TDP1: variants seen among roughly 807,000 people sequenced by gnomAD.
TDP1 encodes the protein tyr-DNA phosphodiesterase 1.
TDP1 carries 64 observed loss-of-function variants against 81.5 expected under a neutral mutation model. The ratio of observed to expected loss-of-function variants is 0.79; its 90% CI spans 0.64 to 0.97. TDP1 has a LOEUF of 0.97. TDP1 is among the 50% of genes least tolerant of loss of function. TDP1 has a pLI of 0.00. For synonymous variants in TDP1, 256 were observed against 264.3 expected (o/e 0.97, Z 0.30); for missense variants, 723 against 743.8 (o/e 0.97, Z 0.33).
intron 14 of TDP1, 91 bp from the exon 15 acceptor site, chr14:90,019,225 T>A: frequency 7.7e-7 from 1 of 1,305,622 alleles, no homozygotes; most frequent in Non-Finnish European, 1.1e-6. Flanking sequence ...AGCTATATAT[T>A]TTTTTGACCG....
At position 89,963,561 on chromosome 14, in the gene TDP1, G is replaced by A; in HGVS notation, c.447G>A (p.Gly149=). The change falls in exon 3 of 17, where the codon GGG becomes GGA. Residue 149 remains glycine (G), a synonymous_variant. Transcript: ENST00000335725. The stretch of plus-strand genomic sequence containing the variant: ...AGGAAGACGAGTATGAGACATCAGG[G>A]GAGGGCCAGGACATTTGGGACATGC... ...KEEEDEYETS[G]EGQDIWDMLD... The A allele has an allele frequency of 6.2e-7, 1 of 1,612,774 alleles. No homozygotes were observed. Among genetic ancestry groups the A allele is most frequent in the Non-Finnish European group, 8.5e-7 (1 of 1,179,270 alleles).
chr14:90,038,873 G>C (rs772553269), intron 16 of TDP1, among the ~76,000 whole-genome samples: 1 of 151,382 alleles, frequency 6.6e-6, no homozygotes, highest in Non-Finnish European at 1.5e-5. Flanking sequence ...TATTTTTAAG[G>C]ACCTGTTTTT....
chr14:90,016,030 A>G (rs1885267061), intron 14 of TDP1, among the ~76,000 whole-genome samples: 1 of 150,262 alleles, frequency 6.7e-6, no homozygotes, highest in African/African-American at 2.4e-5. Context: ...AATGTGAGAC[A>G]GCAGCCTTTT....
At chr14:89,992,367 G>C (rs1896290054) in intron 13 of TDP1, among the ~76,000 whole-genome samples, 1 of 152,188 alleles carries the variant, frequency 6.6e-6, no homozygotes. Context: ...CAGATTCTTT[G>C]CTGCCGTTTC....
chr14:89,983,934 C>G (rs1895279224), intron 8 of TDP1, among the ~76,000 whole-genome samples: 1 of 152,148 alleles, frequency 6.6e-6, no homozygotes, highest in Non-Finnish European at 1.5e-5. Flanking sequence ...ATACTTAATC[C>G]AGGCACCAGA....
At chr14:89,978,455 C>T (rs1399092629) in intron 7 of TDP1, among the ~76,000 whole-genome samples, 1 of 152,236 alleles carries the variant, frequency 6.6e-6, no homozygotes, top group African/African-American at 2.4e-5. Context: ...TCTCTTCCCC[C>T]TTTGCAGGAA....
rs115825068 is a variant in TDP1, at chr14:89,994,128, C to G, written c.1541+645C>G. 2.4e-3 allele frequency among the ~76,000 whole-genome samples: 367 copies of G among 152,274 alleles called. 1 individual carries two copies. The highest frequency in any genetic ancestry group is 8.1e-3 in the African/African-American group (337 of 41,534). ...TTCCTGACTCCCAGGCTGAACCCAA[C>G]GATTAGGCATCTCTTTATGATTCAG... On this transcript the variant is annotated intron_variant, in intron 14 of 16. Coordinates refer to ENST00000335725, the MANE Select transcript of TDP1 (RefSeq NM_018319.4).
chr14:90,010,847 T>C (rs1160127021), intron 14 of TDP1, among the ~76,000 whole-genome samples: 1 of 152,158 alleles, frequency 6.6e-6, no homozygotes, highest in Non-Finnish European at 1.5e-5. Context: ...GCACTGCATA[T>C]CAAGAGAAAA....
chr14:90,016,640 C>T lies in TDP1; in HGVS notation c.1542-2676C>T, dbSNP rs531465717. On this transcript the variant is annotated intron_variant, in intron 14 of 16. Coordinates refer to ENST00000335725, the MANE Select transcript of TDP1 (RefSeq NM_018319.4). Reference sequence around the variant, plus strand: ...TTCTGCCTGCTCTGTAGACTTCTAGCTCCAGCATCAGGACAAAGATAACAC... The same window carrying T: ...TTCTGCCTGCTCTGTAGACTTCTAGTTCCAGCATCAGGACAAAGATAACAC... 3.0e-4 allele frequency among the ~76,000 whole-genome samples: 45 copies of T among 152,334 alleles called. 1 individual carries two copies. In the South Asian group the frequency reaches 9.3e-3, roughly 32 times the overall value.
At chr14:89,995,783 T>C (rs1896607733) in intron 14 of TDP1, among the ~76,000 whole-genome samples, 1 of 152,242 alleles carries the variant, frequency 6.6e-6, no homozygotes, top group South Asian at 2.1e-4. Context: ...TTGTGGCACC[T>C]GTCTCTTATT....
chr14:90,034,466 C>T (rs1488026699), intron 16 of TDP1, among the ~76,000 whole-genome samples: 4 of 152,198 alleles, frequency 2.6e-5, no homozygotes, highest in African/African-American at 7.2e-5. Flanking sequence ...TTCAGTTGTG[C>T]TCAGAGGAAG....
At chr14:90,019,617 T>C (rs985143273) in intron 15 of TDP1, among the ~76,000 whole-genome samples, 199 bp downstream of exon 15, 2 of 152,182 alleles carry the variant, frequency 1.3e-5, no homozygotes, top group African/African-American at 2.4e-5. Context: ...GTGGGATACC[T>C]GCTTTCAAGG....
intron 15 of TDP1, among the ~76,000 whole-genome samples, chr14:90,026,821 G>A (rs1427970900): frequency 6.6e-6 from 1 of 152,158 alleles, no homozygotes; most frequent in Non-Finnish European, 1.5e-5. Flanking sequence ...AGTATTCCAT[G>A]GTGTGTATGT....
intron 15 of TDP1, among the ~76,000 whole-genome samples, chr14:90,032,343 A>G (rs1207892403): frequency 1.3e-5 from 2 of 151,960 alleles, no homozygotes; most frequent in African/African-American, 4.8e-5. Flanking sequence ...TGAAGGGTGG[A>G]TATGTGTGTG....
intron 14 of TDP1, among the ~76,000 whole-genome samples, chr14:90,003,132 T>G (rs1355069270): frequency 6.6e-6 from 1 of 152,092 alleles, no homozygotes. Context: ...GAGATGAGGT[T>G]TCACGGTATT....
chr14:90,039,815 C>T (rs1566934951), intron 16 of TDP1, among the ~76,000 whole-genome samples: 1 of 152,092 alleles, frequency 6.6e-6, no homozygotes, highest in Non-Finnish European at 1.5e-5. Flanking sequence ...CTCATATGAG[C>T]ACTTGACATG....
intron 14 of TDP1, among the ~76,000 whole-genome samples, chr14:89,999,120 T>G (rs867246892): frequency 6.6e-6 from 1 of 152,208 alleles, no homozygotes; most frequent in Non-Finnish European, 1.5e-5. Context: ...TAATTTTTTG[T>G]TATACAAGAT....
chr14:89,985,073 T>G, intron 9 of TDP1, 59 bp from the exon 10 acceptor site: 1 of 1,435,102 alleles, frequency 7.0e-7, no homozygotes, highest in Non-Finnish European at 9.6e-7. Flanking sequence ...TTTGTCATTT[T>G]TTTTGGTGCC....
intron 15 of TDP1, 60 bp from the exon 16 acceptor site, chr14:90,033,046 T>C: frequency 1.5e-6 from 1 of 687,682 alleles, no homozygotes; most frequent in Admixed American, 3.2e-5. Flanking sequence ...GGCCTTCTGG[T>C]TTTTTTTTTT....
Sources: allele counts gnomAD v4.1 joint callset (sites outside exome capture counted in the v4.1 genomes callset), GRCh38; gene constraint gnomAD v4.1.1; transcripts MANE v1.5; gene names NCBI Gene and HGNC (gene_info 2026-07-23, HGNC 2026-07-21).